MRPS6: variants seen among roughly 807,000 people sequenced by gnomAD.
The protein encoded by MRPS6 is mitochondrial ribosomal protein S6, also known as small ribosomal subunit protein bS6m.
MRPS6 carries 6 observed loss-of-function variants against 13.1 expected under a neutral mutation model. The ratio of observed to expected loss-of-function variants is 0.46; its 90% CI spans 0.25 to 0.91. The LOEUF (loss-of-function observed/expected upper bound fraction) is 0.91, where lower values mean the gene tolerates loss of function less well. MRPS6 is among the 40% of genes least tolerant of loss of function. MRPS6 has a pLI of 0.18. For synonymous variants in MRPS6, 61 were observed against 56.5 expected, an observed-to-expected ratio of 1.08 and a Z score of -0.36; for missense variants, 164 against 155.6, an observed-to-expected ratio of 1.05 and a Z score of -0.29.
chr21:34,100,306 T>C, intron 1 of MRPS6: 2 of 1,000,194 alleles, frequency 2.0e-6, no homozygotes, highest in Non-Finnish European at 2.4e-6. Flanking sequence ...AGGATGATTA[T>C]TGCATATTTT....
At chr21:34,095,837 TAAGAG>T in intron 1 of MRPS6, 1 of 1,614,066 alleles carries the variant, frequency 6.2e-7, no homozygotes, top group Non-Finnish European at 8.5e-7. Flanking sequence ...TTGAGGAAGT[TAAGAG>T]AAGGTACATG....
chr21:34,098,390 A>G, intron 1 of MRPS6: 1 of 1,000,264 alleles, frequency 1.0e-6, no homozygotes, highest in South Asian at 4.7e-5. Flanking sequence ...AGATCATGAT[A>G]TATCAAGGTT....
At chr21:34,135,786 C>A in intron 2 of MRPS6, 1 of 513,532 alleles carries the variant, frequency 1.9e-6, no homozygotes, top group South Asian at 1.8e-5. Flanking sequence ...TGCGCACAGT[C>A]ATGAGCTTCT....
chr21:34,098,425 T>G, intron 1 of MRPS6: 1 of 1,000,208 alleles, frequency 1.0e-6, no homozygotes, highest in Non-Finnish European at 1.2e-6. Context: ...AAAATTTAAT[T>G]CTGATATCTT....
At chr21:34,136,440 A>G (rs923291163) in intron 2 of MRPS6, among the ~76,000 whole-genome samples, 1 of 152,102 alleles carries the variant, frequency 6.6e-6, no homozygotes, top group African/African-American at 2.4e-5. Context: ...GAGCCACCAC[A>G]TCCATGGAAT....
At chr21:34,113,617 C>G (rs1979790484) in intron 1 of MRPS6, among the ~76,000 whole-genome samples, 2 of 152,160 alleles carry the variant, frequency 1.3e-5, no homozygotes, top group Admixed American at 6.5e-5. Context: ...TTCCTCCCAC[C>G]ACTTGAATTT....
chr21:34,092,383 G>C (rs9981932), intron 1 of MRPS6, among the ~76,000 whole-genome samples: 152,308 of 152,308 alleles, frequency 1, 76,154 homozygotes, highest in Non-Finnish European at 1. Context: ...GACCCACAGA[G>C]TGGTATGGTA....
intron 2 of MRPS6, among the ~76,000 whole-genome samples, chr21:34,129,194 C>T (rs1001020456): frequency 1.1e-4 from 17 of 152,102 alleles, no homozygotes; most frequent in African/African-American, 4.1e-4. Context: ...AGGCATCTTA[C>T]TGAATGATAG....
At chr21:34,095,952 C>T in intron 1 of MRPS6, 1 of 1,614,060 alleles carries the variant, frequency 6.2e-7, no homozygotes, top group Non-Finnish European at 8.5e-7. Context: ...GAAAATGCTG[C>T]GGAATCCAAC....
At chr21:34,126,103 G>T (rs1980294249) in intron 2 of MRPS6, among the ~76,000 whole-genome samples, 1 of 152,208 alleles carries the variant, frequency 6.6e-6, no homozygotes, top group Admixed American at 6.5e-5. Flanking sequence ...AGGAGTGGGT[G>T]TTAGAGAAGA....
At chr21:34,110,175 G>A (rs538455537) in intron 1 of MRPS6, among the ~76,000 whole-genome samples, 53 of 152,258 alleles carry the variant, frequency 3.5e-4, no homozygotes, top group Non-Finnish European at 7.1e-4. Context: ...TAAAAGCTGC[G>A]TAGTTGGCTG....
At chr21:34,102,133 T>C (rs190753969) in intron 1 of MRPS6, 6 of 1,000,216 alleles carry the variant, frequency 6.0e-6, no homozygotes, top group Non-Finnish European at 7.2e-6. Context: ...TAATATGGAA[T>C]GTTTTTGTCA....
chr21:34,137,741 A>T (rs980675993), intron 2 of MRPS6, among the ~76,000 whole-genome samples: 8 of 151,836 alleles, frequency 5.3e-5, no homozygotes, highest in Non-Finnish European at 1.2e-4. Context: ...GATGCTCTTT[A>T]TAAGTTTGAG....
At chr21:34,076,297 G>A (rs1383587013) in intron 1 of MRPS6, among the ~76,000 whole-genome samples, 1 of 152,002 alleles carries the variant, frequency 6.6e-6, no homozygotes, top group Non-Finnish European at 1.5e-5. Context: ...TTTGACCCTA[G>A]CTTGACTCCT....
chr21:34,093,064 G>A lies in MRPS6; in HGVS notation c.45+19319G>A, dbSNP rs116320476. ...ATTTAACGATACCTTTTTAAATAAT[G>A]TTTACTAGTCATCTGATTAGATTTT... On this transcript the variant is annotated intron_variant, in intron 1 of 2. Coordinates refer to ENST00000399312, the MANE Select transcript of MRPS6 (RefSeq NM_032476.4). 6.5e-3 allele frequency among the ~76,000 whole-genome samples: 985 copies of A among 152,180 alleles called. 14 individuals are homozygous for A. Among genetic ancestry groups the A allele is most frequent in the African/African-American group, 0.022 (925 of 41,516 alleles).
At chr21:34,125,761 C>T (rs943463855) in intron 2 of MRPS6, among the ~76,000 whole-genome samples, 19 of 152,134 alleles carry the variant, frequency 1.2e-4, no homozygotes, top group Admixed American at 1.2e-3. Context: ...CACTGTTTTC[C>T]CTGACATTTC....
intron 1 of MRPS6, among the ~76,000 whole-genome samples, chr21:34,091,934 A>AT (rs34740942): frequency 1 from 152,252 of 152,252 alleles, 76,126 homozygotes; most frequent in Non-Finnish European, 1. Flanking sequence ...TTGTCTTATA[A>AT]TTTTACTTGA....
At chr21:34,097,017 G>C in intron 1 of MRPS6, 1 of 1,614,162 alleles carries the variant, frequency 6.2e-7, no homozygotes, top group Non-Finnish European at 8.5e-7. Context: ...TAATCTGTTG[G>C]TAACCTGCAG....
intron 1 of MRPS6, among the ~76,000 whole-genome samples, chr21:34,110,982 A>AC (rs1443140175): frequency 1.3e-5 from 2 of 152,038 alleles, no homozygotes; most frequent in East Asian, 3.9e-4. Flanking sequence ...CAACGAAATG[A>AC]CCCCCAGAAA....
Sources: gnomAD v4.1 joint callset for allele counts (sites outside exome capture counted in the v4.1 genomes callset) on GRCh38, gnomAD v4.1.1 for gene constraint, MANE v1.5 for transcripts, NCBI Gene and HGNC (gene_info 2026-07-23, HGNC 2026-07-21) for gene names.